The following ZNF346 variants were observed in gnomAD, a reference collection of about 807,000 sequenced individuals.
The protein encoded by ZNF346 is zinc finger protein 346.
In ZNF346, 23 loss-of-function variants were observed where a neutral mutation model predicts 33.7. That is an observed-to-expected ratio of 0.68 (90% confidence interval 0.49 to 0.97). The LOEUF is 0.97. ZNF346 is among the 50% of genes least tolerant of loss of function. The pLI, the probability that ZNF346 is intolerant of heterozygous loss-of-function variation, is 0.00. For synonymous variants in ZNF346, 134 were observed against 142.4 expected, an observed-to-expected ratio of 0.94 and a Z score of 0.42; for missense variants, 340 against 371.1, an observed-to-expected ratio of 0.92 and a Z score of 0.69.
intron 5 of ZNF346, chr5:177,052,940 A>C: frequency 6.6e-6 from 1 of 152,188 alleles, no homozygotes; most frequent in Admixed American, 6.5e-5. Context: ...GAGAGAAAGC[A>C]TGGAAATCTT....
At chr5:177,042,735 A>G (rs1273434987) in intron 3 of ZNF346, among the ~76,000 whole-genome samples, 4 of 152,050 alleles carry the variant, frequency 2.6e-5, no homozygotes, top group East Asian at 3.9e-4. Flanking sequence ...CTATTTCTCT[A>G]TCTGTCTATT....
chr5:177,070,976 A>G (rs1174837958), downstream of ZNF346, among the ~76,000 whole-genome samples: 1 of 152,222 alleles, frequency 6.6e-6, no homozygotes, highest in African/African-American at 2.4e-5. Flanking sequence ...AAGTGGAAGC[A>G]TACTCTTAGC....
chr5:177,051,331 T>C (rs746316068), intron 5 of ZNF346, among the ~76,000 whole-genome samples: 6 of 149,462 alleles, frequency 4.0e-5, no homozygotes, highest in Non-Finnish European at 5.9e-5. Flanking sequence ...CCTGACACCA[T>C]GCCCAGCTAA....
intron 1 of ZNF346, among the ~76,000 whole-genome samples, chr5:177,025,998 T>TTA (rs1491229587): frequency 1.5e-3 from 9 of 6,054 alleles, no homozygotes; most frequent in Admixed American, 5.4e-3. Flanking sequence ...ATTATTATTA[T>TTA]TTTTTTTTTT....
At chr5:177,030,765 AACCCTAT>A (rs1777565467) in intron 1 of ZNF346, among the ~76,000 whole-genome samples, 1 of 152,102 alleles carries the variant, frequency 6.6e-6, no homozygotes, top group Non-Finnish European at 1.5e-5. Context: ...CCAATAAAGA[AACCCTAT>A]ACCTAGGAGC....
intron 3 of ZNF346, among the ~76,000 whole-genome samples, chr5:177,043,563 C>T (rs920488036): frequency 6.6e-6 from 1 of 151,932 alleles, no homozygotes; most frequent in East Asian, 1.9e-4. Flanking sequence ...CTTGGGAATT[C>T]GAGACCACCC....
chr5:177,039,192 C>T (rs753572666), intron 1 of ZNF346, among the ~76,000 whole-genome samples: 2 of 152,042 alleles, frequency 1.3e-5, no homozygotes, highest in East Asian at 3.9e-4. Flanking sequence ...TGCCTGGCCA[C>T]CTCTGACCCT....
At chr5:177,052,108 T>C (rs1243416830) in intron 5 of ZNF346, among the ~76,000 whole-genome samples, 1 of 151,958 alleles carries the variant, frequency 6.6e-6, no homozygotes, top group Non-Finnish European at 1.5e-5. Flanking sequence ...AAGGCTAAAG[T>C]GAGATATGAT....
At chr5:177,041,650 C>A in intron 2 of ZNF346, 128 bp from the exon 3 acceptor site, 1 of 640,414 alleles carries the variant, frequency 1.6e-6, no homozygotes, top group Admixed American at 2.8e-5. Context: ...GGAACTCAAA[C>A]TTCCCTCACC....
At chr5:177,056,380 A>G (rs529995503) in intron 5 of ZNF346, among the ~76,000 whole-genome samples, 23 of 152,346 alleles carry the variant, frequency 1.5e-4, no homozygotes, top group African/African-American at 5.5e-4. Context: ...TCAAGGATCT[A>G]GAACTAGAAA....
intron 8 of ZNF346, among the ~76,000 whole-genome samples, chr5:177,079,178 A>C (rs1285063561): frequency 6.6e-6 from 1 of 151,314 alleles, no homozygotes; most frequent in Non-Finnish European, 1.5e-5. Flanking sequence ...AGGGTGAGGC[A>C]GGAGATTTGC....
intron 1 of ZNF346, among the ~76,000 whole-genome samples, chr5:177,040,769 T>C (rs1779240794): frequency 6.6e-6 from 1 of 152,238 alleles, no homozygotes; most frequent in South Asian, 2.1e-4. Flanking sequence ...CTACCATATC[T>C]TAAAACCTCT....
rs1460897261 is a variant in ZNF346, at chr5:177,022,876, A to C, written c.138A>C (p.Glu46Asp). 1.3e-6 allele frequency: 2 copies of C among 1,515,924 alleles called. No individual in the cohort carries two copies. Among genetic ancestry groups the C allele is most frequent in the Admixed American group, 2.2e-5 (1 of 46,102 alleles). The allele number at this position is 1,515,924 out of a possible 1,614,324, so 93.9% of individuals were successfully genotyped here. The change falls in exon 1 of 7, where the codon GAA becomes GAC. Residue 46 changes from glutamate (E) to aspartate (D), a missense_variant. Physicochemically the swap from Glu to Asp is conservative, Grantham distance 45 (BLOSUM62 2). Transcript: ENST00000358149. ...FDRERARRLW[E>D]AVSGAQPVGR... is the part of the protein sequence containing the mutation. ...GCGAGAGGGCGCGCCGCCTGTGGGA[A>C]GCCGTGTCCGGTGCCCAGCCGGTGG...
chr5:177,064,528 G>A lies in ZNF346; in HGVS notation c.814G>A (p.Ala272Thr), dbSNP rs1477476606. 6.2e-7 allele frequency: 1 copy of A among 1,614,144 alleles called. No homozygotes were observed. The highest frequency in any genetic ancestry group is 8.5e-7 in the Non-Finnish European group (1 of 1,179,978). ...KHKNQSPKTV[A>T]SSLGQIPMQR... ...CAAATACAGGTCACCAAAAACAGTG[G>A]CATCATCCCTGGGCCAGATTCCAAT... Residue 272 changes from alanine (A) to threonine (T), a missense_variant, in exon 7 of 7, where the codon GCA (alanine) becomes ACA (threonine). Coordinates refer to ENST00000358149, the MANE Select transcript of ZNF346 (RefSeq NM_012279.4).
rs1783099024 is a variant in ZNF346 at position 177,065,770 on chromosome 5, AG to A, written c.*1172del. On this transcript the variant is annotated 3_prime_UTR_variant, in exon 7 of 7. Transcript: ENST00000358149. The stretch of plus-strand genomic sequence containing the variant: ...CAGAGGCTTCTCTTCATTGTGTCAA[AG>A]AAGCCCCTAGCTGCTCTCGTGGCCT... The A allele has an allele frequency of 6.6e-6, 1 of 151,992 alleles. No homozygotes were observed. The highest frequency in any genetic ancestry group is 1.5e-5 in the Non-Finnish European group (1 of 68,016). The allele number at this position is 151,992 out of a possible 1,614,324, so 9.4% of individuals were successfully genotyped here.
chr5:177,055,172 TA>T (rs1438407652), intron 5 of ZNF346, among the ~76,000 whole-genome samples: 1 of 151,870 alleles, frequency 6.6e-6, no homozygotes, highest in East Asian at 1.9e-4. Flanking sequence ...TAGCTGGGAT[TA>T]TAGACACCCA....
At chr5:177,040,470 G>A (rs1337208172) in intron 1 of ZNF346, among the ~76,000 whole-genome samples, 1 of 152,012 alleles carries the variant, frequency 6.6e-6, no homozygotes, top group Middle Eastern at 3.4e-3. Flanking sequence ...TCAGCCTCCC[G>A]AGTAGCTGGG....
At chr5:177,035,957 A>G (rs1778446163) in intron 1 of ZNF346, among the ~76,000 whole-genome samples, 1 of 141,836 alleles carries the variant, frequency 7.1e-6, no homozygotes, top group African/African-American at 2.8e-5. Context: ...AATTTTATCC[A>G]AGTTTTTTTT....
At chr5:177,035,198 G>A (rs1005570296) in intron 1 of ZNF346, among the ~76,000 whole-genome samples, 1 of 151,742 alleles carries the variant, frequency 6.6e-6, no homozygotes, top group African/African-American at 2.4e-5. Flanking sequence ...TTTATTTTTG[G>A]TGGAGACGGG....
Sources: allele counts gnomAD v4.1 joint callset (sites outside exome capture counted in the v4.1 genomes callset), GRCh38; gene constraint gnomAD v4.1.1; transcripts MANE v1.5; gene names NCBI Gene and HGNC (gene_info 2026-07-23, HGNC 2026-07-21).